The following GPC6 variants were observed in gnomAD, a reference collection of about 807,000 sequenced individuals.
GPC6 encodes the protein glypican 6.
Under a neutral mutation model 55.2 loss-of-function variants are expected in GPC6, and 14 were observed. The ratio of observed to expected loss-of-function variants is 0.25; its 90% confidence interval spans 0.17 to 0.40. The LOEUF is 0.40. Among genes scored for constraint, GPC6 ranks in the 10% least tolerant of loss-of-function variants. The probability of loss-of-function intolerance (pLI) is 1.00; values close to 1 mark genes in which losing one functional copy is unlikely to be tolerated. For missense variants in GPC6, 641 were observed against 708.5 expected (o/e 0.90, Z 1.08); for synonymous variants, 278 against 259.6 (o/e 1.07, Z -0.68).
intron 4 of GPC6, among the ~76,000 whole-genome samples, chr13:94,234,751 G>A (rs971127166): frequency 2.0e-5 from 3 of 151,972 alleles, no homozygotes; most frequent in African/African-American, 7.3e-5. Context: ...TCAACCAGAC[G>A]CAATAGAAAT....
At chr13:94,101,724 C>A (rs1223627235) in intron 4 of GPC6, among the ~76,000 whole-genome samples, 1 of 151,812 alleles carries the variant, frequency 6.6e-6, no homozygotes, top group African/African-American at 2.4e-5. Context: ...ATCCTGGATT[C>A]TTCTCTATGC....
chr13:93,360,637 G>T (rs767054075), intron 1 of GPC6, among the ~76,000 whole-genome samples: 1 of 152,182 alleles, frequency 6.6e-6, no homozygotes, highest in Middle Eastern at 3.2e-3. Flanking sequence ...TTCTATAATT[G>T]ATGTGTTTAC....
chr13:93,303,576 T>C (rs1353165394), intron 1 of GPC6, among the ~76,000 whole-genome samples: 1 of 152,092 alleles, frequency 6.6e-6, no homozygotes, highest in Non-Finnish European at 1.5e-5. Context: ...AGAGTGTGGG[T>C]CAAGTTTTCA....
chr13:94,223,218 G>A (rs1890441283), intron 4 of GPC6, among the ~76,000 whole-genome samples: 1 of 152,098 alleles, frequency 6.6e-6, no homozygotes, highest in Non-Finnish European at 1.5e-5. Context: ...CATGTGTTAT[G>A]TAAACTCTGG....
intron 2 of GPC6, among the ~76,000 whole-genome samples, chr13:93,795,532 A>G (rs550981118): frequency 3.0e-4 from 46 of 152,320 alleles, no homozygotes; most frequent in Non-Finnish European, 5.1e-4. Context: ...ATACAAAGCA[A>G]TCCCTTATCT....
intron 1 of GPC6, among the ~76,000 whole-genome samples, chr13:93,287,769 A>T (rs1423860411): frequency 6.6e-6 from 1 of 152,216 alleles, no homozygotes; most frequent in Non-Finnish European, 1.5e-5. Context: ...ATTCTTGCAC[A>T]GTTAAATGAT....
intron 3 of GPC6, among the ~76,000 whole-genome samples, chr13:93,909,994 G>A (rs992914122): frequency 6.6e-6 from 1 of 151,842 alleles, no homozygotes; most frequent in African/African-American, 2.4e-5. Context: ...CTTTCTATGG[G>A]TTAGTTTTGA....
At chr13:93,833,110 AGAGAGAGAGAGAGAG>A in intron 3 of GPC6, among the ~76,000 whole-genome samples, 1 of 17,216 alleles carries the variant, frequency 5.8e-5, no homozygotes, top group African/African-American at 2.8e-4. Context: ...TAGATGATAG[AGAGAGAGAGAGAGAG>A]AGAGAGAGAG....
intron 2 of GPC6, among the ~76,000 whole-genome samples, chr13:93,770,833 A>T (rs1342211844): frequency 3.3e-5 from 5 of 151,896 alleles, no homozygotes; most frequent in African/African-American, 1.2e-4. Flanking sequence ...TTTCTCCCCC[A>T]TACTTTCTTG....
chr13:94,166,380 G>C (rs757161463), intron 4 of GPC6, among the ~76,000 whole-genome samples: 2 of 152,068 alleles, frequency 1.3e-5, no homozygotes, highest in Admixed American at 1.3e-4. Flanking sequence ...TCTTTTCCTA[G>C]GCTTTGCCTT....
chr13:94,068,911 A>C (rs893045770), intron 4 of GPC6, among the ~76,000 whole-genome samples: 1 of 152,084 alleles, frequency 6.6e-6, no homozygotes, highest in Non-Finnish European at 1.5e-5. Flanking sequence ...CAGCTTTTCC[A>C]GGTGCACAGT....
intron 3 of GPC6, among the ~76,000 whole-genome samples, chr13:93,974,376 A>C (rs981395420): frequency 6.6e-6 from 1 of 152,230 alleles, no homozygotes; most frequent in Non-Finnish European, 1.5e-5. Context: ...GAAATGCAGA[A>C]ATGATGATTT....
intron 6 of GPC6, among the ~76,000 whole-genome samples, chr13:94,351,976 A>AG (rs1331561849): frequency 2.3e-5 from 3 of 127,968 alleles, no homozygotes; most frequent in South Asian, 2.5e-4. Context: ...AAAAAAAAAA[A>AG]AAAAAAGAAA....
At chr13:93,355,044 C>T (rs999510945) in intron 1 of GPC6, among the ~76,000 whole-genome samples, 2 of 152,192 alleles carry the variant, frequency 1.3e-5, no homozygotes, top group East Asian at 1.9e-4. Flanking sequence ...GAGTCATTGA[C>T]TCCACCACCT....
intron 4 of GPC6, among the ~76,000 whole-genome samples, chr13:94,074,828 CT>C (rs2138787555): frequency 6.6e-6 from 1 of 152,226 alleles, no homozygotes; most frequent in African/African-American, 2.4e-5. Context: ...GTATTCTTTC[CT>C]TAGTTAAATG....
chr13:93,275,442 C>A (rs1877700063), intron 1 of GPC6, among the ~76,000 whole-genome samples: 2 of 152,172 alleles, frequency 1.3e-5, no homozygotes, highest in Non-Finnish European at 2.9e-5. Flanking sequence ...TCTCAACAGA[C>A]CTCAAACATA....
At chr13:94,037,528 A>G (rs1000346318) in intron 4 of GPC6, among the ~76,000 whole-genome samples, 3 of 151,968 alleles carry the variant, frequency 2.0e-5, no homozygotes, top group African/African-American at 7.2e-5. Context: ...TTTATTGAGC[A>G]CTTACTTTAT....
In GPC6 at chr13:94,164,689, C is replaced by T. The variant is rs116220613; in HGVS notation, c.878-121660C>T. 2.9e-3 allele frequency among the ~76,000 whole-genome samples: 438 copies of T among 152,224 alleles called. 5 individuals are homozygous for T. The highest frequency in any genetic ancestry group is 9.8e-3 in the African/African-American group (407 of 41,544). ...TGGGATGATTTCTACAGTGATAGAG[C>T]GGATAACAGGGATAGAATAACTTAA... is the stretch of plus-strand genomic sequence containing the variant. On this transcript the variant is annotated intron_variant, in intron 4 of 8. Coordinates refer to ENST00000377047, the MANE Select transcript of GPC6 (RefSeq NM_005708.5).
At chr13:93,877,221 A>G (rs905925656) in intron 3 of GPC6, among the ~76,000 whole-genome samples, 1 of 152,056 alleles carries the variant, frequency 6.6e-6, no homozygotes, top group African/African-American at 2.4e-5. Flanking sequence ...AGAATTTATT[A>G]TACTACTACA....
Sources: gnomAD v4.1 joint callset for allele counts (sites outside exome capture counted in the v4.1 genomes callset) on GRCh38, gnomAD v4.1.1 for gene constraint, MANE v1.5 for transcripts, NCBI Gene and HGNC (gene_info 2026-07-23, HGNC 2026-07-21) for gene names.